REEP1: variants seen among roughly 807,000 people sequenced by gnomAD.
REEP1 encodes the protein receptor expression-enhancing protein 1.
REEP1 carries 22 observed loss-of-function variants against 40.3 expected under a neutral mutation model. The observed-to-expected ratio is 0.55, with a 90% CI of 0.39 to 0.78. The LOEUF (loss-of-function observed/expected upper bound fraction) is 0.78, where lower values mean the gene tolerates loss of function less well. REEP1 is among the 30% of genes least tolerant of loss of function. REEP1 has a pLI of 0.00. For missense variants in REEP1, 280 were observed against 361.1 expected, an observed-to-expected ratio of 0.78 and a Z score of 1.82; for synonymous variants, 116 against 139.2, an observed-to-expected ratio of 0.83 and a Z score of 1.17.
intron 2 of REEP1, among the ~76,000 whole-genome samples, chr2:86,268,172 CAT>C (rs1677243133): frequency 6.6e-6 from 1 of 151,920 alleles, no homozygotes; most frequent in Non-Finnish European, 1.5e-5. Context: ...AAACAGAAAA[CAT>C]ATACAGACTG....
chr2:86,221,145 G>A (rs745970138), intron 7 of REEP1, among the ~76,000 whole-genome samples: 1 of 152,152 alleles, frequency 6.6e-6, no homozygotes, highest in Non-Finnish European at 1.5e-5. Context: ...TTCAGCCACC[G>A]AATGTGCTCT....
intron 2 of REEP1, among the ~76,000 whole-genome samples, chr2:86,273,088 C>T (rs1424127486): frequency 6.7e-6 from 1 of 149,944 alleles, no homozygotes; most frequent in African/African-American, 2.5e-5. Flanking sequence ...AATCACAGCT[C>T]TGTGATTATA....
intron 2 of REEP1, among the ~76,000 whole-genome samples, chr2:86,275,090 G>T (rs895356759): frequency 3.9e-5 from 6 of 152,124 alleles, no homozygotes; most frequent in African/African-American, 1.4e-4. Flanking sequence ...ACACCCTCTT[G>T]CATCTGGGCC....
At chr2:86,262,135 T>G (rs1465315597) in intron 3 of REEP1, among the ~76,000 whole-genome samples, 1 of 152,242 alleles carries the variant, frequency 6.6e-6, no homozygotes, top group Non-Finnish European at 1.5e-5. Flanking sequence ...ATCCTCCATA[T>G]GCCGAACGCT....
chr2:86,328,434 C>A (rs535352747), intron 1 of REEP1, among the ~76,000 whole-genome samples: 6 of 152,352 alleles, frequency 3.9e-5, no homozygotes, highest in African/African-American at 1.4e-4. Context: ...GTAATTCCAG[C>A]ACTTTGGGAG....
chr2:86,289,581 A>G (rs1239945560), intron 1 of REEP1, among the ~76,000 whole-genome samples: 1 of 152,134 alleles, frequency 6.6e-6, no homozygotes, highest in Non-Finnish European at 1.5e-5. Context: ...ATAAAACCTT[A>G]TTTAGATTTT....
chr2:86,220,130 C>T lies in REEP1; in HGVS notation c.632-9G>A. On this transcript the variant is annotated splice_polypyrimidine_tract_variant and intron_variant, in intron 7 of 8. Coordinates refer to ENST00000538924, the MANE Select transcript of REEP1 (RefSeq NM_001371279.1). ...CACATCTCCCTCAACCACTTAATGT[C>T]CATTTACAATCTACACAGATGAGAC... The T allele has an allele frequency of 1.6e-6, 2 of 1,230,090 alleles. No individual in the cohort carries two copies. The highest frequency in any genetic ancestry group is 2.0e-6 in the Non-Finnish European group (2 of 987,040). 76.2% of individuals were successfully genotyped at this position (1,230,090 alleles called of 1,614,324 possible).
chr2:86,226,188 C>G (rs1674688462), intron 7 of REEP1, among the ~76,000 whole-genome samples: 1 of 150,532 alleles, frequency 6.6e-6, no homozygotes, highest in Admixed American at 6.7e-5. Context: ...TATTATGGCC[C>G]TTTCACAGCC....
intron 1 of REEP1, among the ~76,000 whole-genome samples, chr2:86,332,286 G>T (rs1186702973): frequency 2.0e-5 from 3 of 152,034 alleles, no homozygotes; most frequent in African/African-American, 7.3e-5. Context: ...CTTTTCGGGG[G>T]TTGGAAAAAC....
chr2:86,295,434 C>G (rs1286878690), intron 1 of REEP1, among the ~76,000 whole-genome samples: 2 of 152,216 alleles, frequency 1.3e-5, no homozygotes, highest in Non-Finnish European at 2.9e-5. Flanking sequence ...ATGTTTGATG[C>G]TTTGAAGGGC....
chr2:86,250,503 G>A (rs1287511967), intron 5 of REEP1, among the ~76,000 whole-genome samples: 2 of 152,170 alleles, frequency 1.3e-5, no homozygotes, highest in African/African-American at 4.8e-5. Context: ...ATTTATTGCT[G>A]TTCATAAATC....
At chr2:86,261,709 C>G (rs1256427722) in intron 3 of REEP1, among the ~76,000 whole-genome samples, 1 of 152,086 alleles carries the variant, frequency 6.6e-6, no homozygotes, top group Non-Finnish European at 1.5e-5. Context: ...TCCCCCAGCC[C>G]GACACCTGTA....
chr2:86,264,065 G>T, intron 2 of REEP1, 24 bp from the exon 3 acceptor site: 1 of 1,589,892 alleles, frequency 6.3e-7, no homozygotes. Flanking sequence ...AAGCAACACA[G>T]CTGGTAGAAA....
chr2:86,295,581 T>C (rs1047611692), intron 1 of REEP1, among the ~76,000 whole-genome samples: 2 of 152,186 alleles, frequency 1.3e-5, no homozygotes, highest in Non-Finnish European at 2.9e-5. Context: ...CTGGAGTGCT[T>C]CGGTGTGATC....
At chr2:86,330,149 C>G (rs1573065895) in intron 1 of REEP1, among the ~76,000 whole-genome samples, 1 of 152,184 alleles carries the variant, frequency 6.6e-6, no homozygotes, top group Admixed American at 6.5e-5. Context: ...AAAGATATTT[C>G]TAGTGTAGAG....
chr2:86,245,130 G>A (rs1675864773), intron 5 of REEP1, among the ~76,000 whole-genome samples: 1 of 152,092 alleles, frequency 6.6e-6, no homozygotes, highest in Non-Finnish European at 1.5e-5. Flanking sequence ...CTGGGCAAGA[G>A]TGAGACACCG....
intron 1 of REEP1, among the ~76,000 whole-genome samples, chr2:86,320,116 C>T (rs1193185980): frequency 6.6e-6 from 1 of 152,192 alleles, no homozygotes; most frequent in Non-Finnish European, 1.5e-5. Flanking sequence ...AGCACTACAA[C>T]ATCAGTAAAA....
intron 1 of REEP1, among the ~76,000 whole-genome samples, chr2:86,305,828 C>G (rs531722011): frequency 7.9e-5 from 12 of 152,240 alleles, no homozygotes; most frequent in African/African-American, 2.9e-4. Flanking sequence ...CATTGCATGC[C>G]CGGAGGACTC....
At chr2:86,282,112 C>T in intron 2 of REEP1, 58 bp downstream of exon 2, 4 of 1,221,762 alleles carry the variant, frequency 3.3e-6, no homozygotes, top group Non-Finnish European at 3.6e-6. Flanking sequence ...CTTCTCCCAA[C>T]ATTTCACACC....
Sources: allele counts gnomAD v4.1 joint callset (sites outside exome capture counted in the v4.1 genomes callset), GRCh38; gene constraint gnomAD v4.1.1; transcripts MANE v1.5; gene names NCBI Gene and HGNC (gene_info 2026-07-23, HGNC 2026-07-21).